Variants in CDAN1 observed in about 807,000 individuals in gnomAD.
CDAN1 encodes codanin 1.
A neutral mutation model predicts 139.8 loss-of-function variants in CDAN1; 107 were observed. The ratio of observed to expected loss-of-function variants is 0.77; its 90% CI spans 0.65 to 0.90. The LOEUF (loss-of-function observed/expected upper bound fraction) is 0.90, where lower values mean the gene tolerates loss of function less well. Ranked by LOEUF, CDAN1 falls within the 40% of genes least tolerant of loss-of-function variation. CDAN1 has a pLI of 0.00. For synonymous variants in CDAN1, 776 were observed against 660.6 expected (o/e 1.17, Z -2.68); for missense variants, 1,667 against 1,575.7 (o/e 1.06, Z -0.98).
intron 26 of CDAN1, 62 bp from the exon 27 acceptor site, chr15:42,725,313 A>G: frequency 1.3e-6 from 2 of 1,539,294 alleles, no homozygotes; most frequent in Non-Finnish European, 1.8e-6. Flanking sequence ...GATGACAGAG[A>G]TTGAGATCTC....
At chr15:42,735,218 C>A in intron 5 of CDAN1, 40 bp from the exon 6 acceptor site, 1 of 1,601,208 alleles carries the variant, frequency 6.2e-7, no homozygotes, top group South Asian at 1.1e-5. Flanking sequence ...AGAACGGTCC[C>A]GTTTCTAGAC....
intron 15 of CDAN1, 40 bp downstream of exon 15, chr15:42,730,088 T>C (rs1352985673): frequency 6.4e-7 from 1 of 1,572,138 alleles, no homozygotes; most frequent in Admixed American, 1.7e-5. Context: ...CATCTTCAGC[T>C]GTAGAACCTC....
chr15:42,727,248 A>C (rs1595851224), intron 23 of CDAN1: 1 of 196,576 alleles, frequency 5.1e-6, no homozygotes. Flanking sequence ...AACAAGCATC[A>C]CCTCCCACAT....
intron 11 of CDAN1, 113 bp downstream of exon 11, chr15:42,731,507 G>A (rs2061611210): frequency 9.1e-6 from 13 of 1,421,266 alleles, no homozygotes; most frequent in Non-Finnish European, 1.3e-5. Context: ...GCAAGTTGGA[G>A]CTGGAAGGAG....
In CDAN1 at chr15:42,735,528, AAAC is replaced by A; in HGVS notation, c.922_924del (p.Val308del). ...CACTCACCAGCAATGCACGAGGAGT[AAAC>A]AAGGGCTACAAGCTCCAGGCGCTGG... On this transcript the variant is annotated inframe_deletion, in exon 4 of 28. Coordinates refer to ENST00000356231, the MANE Select transcript of CDAN1 (RefSeq NM_138477.4). 6.2e-7 allele frequency: 1 copy of A among 1,614,226 alleles called. No homozygotes were observed. Among genetic ancestry groups the A allele is most frequent in the Non-Finnish European group, 8.5e-7 (1 of 1,180,036 alleles).
chr15:42,731,131 T>C, intron 12 of CDAN1, 60 bp from the exon 13 acceptor site: 3 of 1,614,136 alleles, frequency 1.9e-6, no homozygotes, highest in Non-Finnish European at 2.5e-6. Flanking sequence ...CAATTCCCGA[T>C]CTGTTATAAA....
chr15:42,730,336 A>C, intron 14 of CDAN1, 121 bp from the exon 15 acceptor site: 1 of 1,020,454 alleles, frequency 9.8e-7, no homozygotes, highest in East Asian at 2.4e-5. Context: ...CCATGTTGGC[A>C]AGCAGGATCC....
At position 42,725,044 on chromosome 15, in the gene CDAN1, A is replaced by G. The variant is rs1364608008; in HGVS notation, c.3558+100T>C. On this transcript the variant is annotated intron_variant, in intron 27 of 27. Transcript: ENST00000356231. ...AGGGTGGCCCTGAAGACTCTTGACAAAAATCCACTTAGTTTGGCCCCATCA... is the reference window on the plus strand; with the variant it reads ...AGGGTGGCCCTGAAGACTCTTGACAGAAATCCACTTAGTTTGGCCCCATCA... 4.0e-6 allele frequency: 4 copies of G among 998,688 alleles called. No homozygotes were observed. The South Asian group carries it at 4.1e-5, about 10-fold the overall frequency. The allele number at this position is 998,688 out of a possible 1,614,324, so 61.9% of individuals were successfully genotyped here.
chr15:42,725,746 A>G (rs937271697), intron 25 of CDAN1, 76 bp from the exon 26 acceptor site: 2 of 1,468,484 alleles, frequency 1.4e-6, no homozygotes, highest in African/African-American at 2.8e-5. Flanking sequence ...TAATCCCAAC[A>G]CTTCGGGAGG....
rs369344297 is a variant in CDAN1, at chr15:42,733,134, C to T, written c.1420G>A (p.Gly474Ser). 1 of 1,614,016 alleles carries T rather than the reference C, an allele frequency of 6.2e-7. No homozygotes were observed. The highest frequency in any genetic ancestry group is 8.5e-7 in the Non-Finnish European group (1 of 1,180,042). Residue 474 changes from glycine (G) to serine (S), a missense_variant, in exon 9 of 28, where the codon GGC becomes AGC. Around this residue, in one of 3 missense-constraint regions of CDAN1, gnomAD observed 244 missense variants for 309.4 expected, o/e 0.79. Transcript: ENST00000356231. ...CCCAAGCCCTTCTCAAAATCCCAGC[C>T]AGGCTCCTCATGGTGATCTTCCCAC... is the stretch of plus-strand genomic sequence containing the variant. ...REWEDHHEEP[G>S]WDFEKGLGSR... is the part of the protein sequence containing the mutation.
chr15:42,733,117 C>T lies in CDAN1; in HGVS notation c.1437G>A (p.Lys479=), dbSNP rs1334619694. Residue 479 remains lysine (K), a synonymous_variant, in exon 9 of 28, where the codon AAG becomes AAA. Coordinates refer to ENST00000356231, the MANE Select transcript of CDAN1 (RefSeq NM_138477.4). ...HHEEPGWDFE[K]GLGSRIRAMM... is the part of the protein sequence containing the mutation. ...CCCACCTGATTCTGCTGCCCAAGCCCTTCTCAAAATCCCAGCCAGGCTCCT... is the reference window on the plus strand; with the variant it reads ...CCCACCTGATTCTGCTGCCCAAGCCTTTCTCAAAATCCCAGCCAGGCTCCT... The T allele has an allele frequency of 1.2e-6, 2 of 1,614,064 alleles. No homozygotes were observed. The highest frequency in any genetic ancestry group is 2.2e-5 in the South Asian group (2 of 91,082).
chr15:42,735,526 G>C lies in CDAN1; in HGVS notation c.927C>G (p.Tyr309Ter). 6.2e-7 allele frequency: 1 copy of C among 1,614,224 alleles called. No individual in the cohort carries two copies. Among genetic ancestry groups the C allele is most frequent in the Non-Finnish European group, 8.5e-7 (1 of 1,180,040 alleles). Reference sequence around the variant, plus strand: ...CTCACTCACCAGCAATGCACGAGGAGTAAACAAGGGCTACAAGCTCCAGGC... The same window carrying C: ...CTCACTCACCAGCAATGCACGAGGACTAAACAAGGGCTACAAGCTCCAGGC... ...RQRLELVALV[Y>*]SSCIAENLVP... The change falls in exon 4 of 28, where the codon TAC (tyrosine) becomes TAG (stop). Residue 309 changes from tyrosine (Y) to a stop codon, truncating the protein, a stop_gained. Transcript: ENST00000356231. LOFTEE classifies it high-confidence loss of function.
At chr15:42,725,321 C>T in intron 26 of CDAN1, 70 bp from the exon 27 acceptor site, 1 of 1,520,804 alleles carries the variant, frequency 6.6e-7, no homozygotes, top group Non-Finnish European at 9.1e-7. Flanking sequence ...AGATTGAGAT[C>T]TCAAAGGGCA....
chr15:42,728,334 C>T (rs140543685), intron 20 of CDAN1, 67 bp from the exon 21 acceptor site: 32 of 1,531,564 alleles, frequency 2.1e-5, no homozygotes, highest in Middle Eastern at 1.7e-4. Flanking sequence ...GTAAATGCCC[C>T]GAGTGCACCA....
Position 42,728,685 on chromosome 15 carries a change from G to T in CDAN1, c.2771C>A (p.Pro924His), listed in dbSNP as rs768327667. 1 of 1,614,198 alleles carries T rather than the reference G, an allele frequency of 6.2e-7. No individual in the cohort carries two copies. The highest frequency in any genetic ancestry group is 1.3e-5 in the African/African-American group (1 of 75,050). ...LLEILCSQLC[P>H]HGAQALALGR... is the part of the protein sequence containing the mutation. ...CAGGGCCAATGCCTGGGCCCCGTGA[G>T]GGCACAGCTGGGAACACAAGATCTC... Residue 924 changes from proline to histidine, a missense_variant, in exon 20 of 28, where the codon CCT becomes CAT. This residue lies in a region of CDAN1 where 936 missense variants were observed against 844.1 expected (regional missense o/e 1.11). Transcript: ENST00000356231.
At position 42,729,715 on chromosome 15, in the gene CDAN1, G is replaced by A; in HGVS notation, c.2352+81C>T. 3 of 1,589,324 alleles carry A rather than the reference G, an allele frequency of 1.9e-6. 1 individual carries two copies. The South Asian group carries it at 3.3e-5, about 18-fold the overall frequency. The stretch of plus-strand genomic sequence containing the variant: ...CAGGGCCTTTACAAGGGTTACATCT[G>A]CCCCTGGCTGGGCCTCCCCAGGCAG... On this transcript the variant is annotated intron_variant, in intron 16 of 27. Transcript: ENST00000356231.
chr15:42,736,532 G>A lies in CDAN1; in HGVS notation c.339C>T (p.Ala113=). The change falls in exon 2 of 28, where the codon GCC becomes GCT. Residue 113 remains alanine, a synonymous_variant. Transcript: ENST00000356231. ...PTEAQSTAAE[A]PLARRGGRRR... ...TCCTGCCCCCGCGGCGGGCCAGAGG[G>A]GCCTCGGCAGCGGTGCTCTGGGCCT... 1 of 1,455,788 alleles carries A rather than the reference G, an allele frequency of 6.9e-7. No individual in the cohort carries two copies. The highest frequency in any genetic ancestry group is 1.3e-5 in the South Asian group (1 of 74,532). The allele number at this position is 1,455,788 out of a possible 1,614,324, so 90.2% of individuals were successfully genotyped here. A position where few individuals can be genotyped will look rare whatever the true frequency, so the allele number is the denominator to read the frequency against.
In CDAN1 at chr15:42,727,746, C is replaced by G; in HGVS notation, c.2971G>C (p.Ala991Pro). ...ITALIRREVK[A>P]AVSRTLRAQG... The stretch of plus-strand genomic sequence containing the variant: ...GCTCGAAGTGTGCGACTCACTGCTG[C>G]TTTCACCTCCCTCCTGATCAGTGCT... Residue 991 changes from alanine (A) to proline (P), a missense_variant, in exon 23 of 28, where the codon GCA becomes CCA. Physicochemically the swap from Ala to Pro is conservative, Grantham distance 27 (BLOSUM62 -1). Around this residue, in one of 3 missense-constraint regions of CDAN1, gnomAD observed 936 missense variants for 844.1 expected, o/e 1.11. Coordinates refer to ENST00000356231, the MANE Select transcript of CDAN1 (RefSeq NM_138477.4). The G allele has an allele frequency of 2.5e-6, 4 of 1,591,550 alleles. No individual in the cohort carries two copies. Among genetic ancestry groups the G allele is most frequent in the Non-Finnish European group, 3.4e-6 (4 of 1,165,960 alleles).
chr15:42,730,804 G>T (rs775693664), intron 13 of CDAN1, 40 bp from the exon 14 acceptor site: 29 of 1,612,766 alleles, frequency 1.8e-5, no homozygotes, highest in Non-Finnish European at 2.4e-5. Context: ...AGGTCCCTAG[G>T]AAGGGCTGGG....
Sources: gnomAD v4.1 joint callset for allele counts on GRCh38, gnomAD v4.1.1 for gene constraint, gnomAD v4.1.1 regional missense constraint, MANE v1.5 for transcripts, NCBI Gene and HGNC (gene_info 2026-07-23, HGNC 2026-07-21) for gene names.